Variants in OSGEPL1 observed in about 807,000 individuals in gnomAD.
OSGEPL1 encodes tRNA N6-adenosine threonylcarbamoyltransferase, mitochondrial.
OSGEPL1 carries 26 observed loss-of-function variants against 37.2 expected under a neutral mutation model. That is an observed-to-expected ratio of 0.70 (90% CI 0.51 to 0.97). OSGEPL1 has a LOEUF of 0.97. OSGEPL1 is among the 50% of genes least tolerant of loss of function. OSGEPL1 has a pLI of 0.00. For synonymous variants in OSGEPL1, 140 were observed against 159.9 expected (o/e 0.88, Z 0.94); for missense variants, 404 against 487.0 (o/e 0.83, Z 1.60).
chr2:189,758,622 A>G (rs2046457152), intron 2 of OSGEPL1, among the ~76,000 whole-genome samples: 1 of 152,206 alleles, frequency 6.6e-6, no homozygotes, highest in Non-Finnish European at 1.5e-5. Flanking sequence ...ATGAACTAAC[A>G]CAGGTTATAA....
chr2:189,750,567 A>G lies in OSGEPL1; in HGVS notation c.*11T>C. The G allele has an allele frequency of 6.7e-7, 1 of 1,492,406 alleles. No homozygotes were observed. Among genetic ancestry groups the G allele is most frequent in the Non-Finnish European group, 9.2e-7 (1 of 1,085,736 alleles). The allele number at this position is 1,492,406 out of a possible 1,614,324, so 92.4% of individuals were successfully genotyped here. Reference sequence around the variant, plus strand: ...AATACTACCTTTAGGGACTTTTTTGAACAGCAGAAATCATATCTCCATTTT... The same window carrying G: ...AATACTACCTTTAGGGACTTTTTTGGACAGCAGAAATCATATCTCCATTTT... On this transcript the variant is annotated 3_prime_UTR_variant, in exon 8 of 9. Transcript: ENST00000264151.
intron 2 of OSGEPL1, among the ~76,000 whole-genome samples, chr2:189,758,836 T>G (rs1354859791): frequency 5.9e-5 from 9 of 152,188 alleles, no homozygotes; most frequent in Admixed American, 3.3e-4. Flanking sequence ...AAAGAAAATA[T>G]GCAGGGTATG....
Position 189,746,691 on chromosome 2 carries a change from T to C in OSGEPL1, c.*506A>G. On this transcript the variant is annotated 3_prime_UTR_variant, in exon 9 of 9. Coordinates refer to ENST00000264151, the MANE Select transcript of OSGEPL1 (RefSeq NM_022353.3). ...TTAAAAATTTTTTTATTTTTAATAA[T>C]GGTAATATGCAAATAACATAACTGA... 1 of 1,429,110 alleles carries C rather than the reference T, an allele frequency of 7.0e-7. No individual in the cohort carries two copies. The highest frequency in any genetic ancestry group is 9.3e-7 in the Non-Finnish European group (1 of 1,072,408). 88.5% of individuals were successfully genotyped at this position (1,429,110 alleles called of 1,614,324 possible). A position where few individuals can be genotyped will look rare whatever the true frequency, so the allele number is the denominator to read the frequency against.
At chr2:189,762,484 G>T in intron 1 of OSGEPL1, 1 of 669,110 alleles carries the variant, frequency 1.5e-6, no homozygotes, top group Non-Finnish European at 1.8e-6. Context: ...AGAGGAATTA[G>T]ATTTGCATTA....
intron 2 of OSGEPL1, 78 bp downstream of exon 2, chr2:189,761,342 T>C: frequency 1.3e-6 from 2 of 1,486,348 alleles, no homozygotes; most frequent in Non-Finnish European, 1.8e-6. Flanking sequence ...TCCTGAAAAC[T>C]TTTATATATG....
At position 189,755,436 on chromosome 2, in the gene OSGEPL1, T is replaced by C; in HGVS notation, c.346A>G (p.Ile116Val). Residue 116 changes from isoleucine to valine, a missense_variant, in exon 3 of 9, where the codon ATA (isoleucine) becomes GTA (valine). Physicochemically the swap from Ile to Val is conservative, Grantham distance 29. Coordinates refer to ENST00000264151, the MANE Select transcript of OSGEPL1 (RefSeq NM_022353.3). ...AGGCTTAAAGCAAGTCCTGGTTTTA[T>C]GGTAGTTGCAATTGCTGAGAGGTCA... ...PSDLSAIATT[I>V]KPGLALSLGV... 2 of 1,608,822 alleles carry C rather than the reference T, an allele frequency of 1.2e-6. No homozygotes were observed. The highest frequency in any genetic ancestry group is 1.7e-6 in the Non-Finnish European group (2 of 1,178,750).
intron 2 of OSGEPL1, among the ~76,000 whole-genome samples, chr2:189,757,264 T>C (rs1038964882): frequency 2.0e-5 from 3 of 152,206 alleles, no homozygotes; most frequent in East Asian, 1.9e-4. Flanking sequence ...GGATTTACTA[T>C]GAATGGATGA....
chr2:189,747,589 A>G (rs772335352), intron 8 of OSGEPL1, among the ~76,000 whole-genome samples: 2 of 152,184 alleles, frequency 1.3e-5, no homozygotes, highest in African/African-American at 2.4e-5. Context: ...GAACCATATG[A>G]TGTCTTTGCT....
rs200731085 is a variant in OSGEPL1, at chr2:189,751,665, G to A, written c.1166+988C>T. 1.6e-4 allele frequency among the ~76,000 whole-genome samples: 24 copies of A among 150,930 alleles called. 1 individual carries two copies. The South Asian group carries it at 4.4e-3, about 28-fold the overall frequency. ...TCACCATGTTGGCCAGGCTGGTCTCGAACTCCTAACCTCAGATGATCTGCC... is the reference window on the plus strand; with the variant it reads ...TCACCATGTTGGCCAGGCTGGTCTCAAACTCCTAACCTCAGATGATCTGCC... On this transcript the variant is annotated intron_variant, in intron 7 of 8. Transcript: ENST00000264151.
rs565278237 is a variant in OSGEPL1, at chr2:189,762,729, C to A, written c.-65G>T. The A allele has an allele frequency of 2.0e-6, 2 of 985,372 alleles. No homozygotes were observed. The highest frequency in any genetic ancestry group is 3.5e-5 in the African/African-American group (2 of 57,232). The allele number at this position is 985,372 out of a possible 1,614,324, so 61.0% of individuals were successfully genotyped here. ...AGCTAGCACTTGTCTCCTTTCCCTA[C>A]TAAAGACTGTCGACTGCCCTTATCG... On this transcript the variant is annotated 5_prime_UTR_variant, in exon 1 of 9. Coordinates refer to ENST00000264151, the MANE Select transcript of OSGEPL1 (RefSeq NM_022353.3).
rs991480345 is a variant in OSGEPL1 at position 189,762,785 on chromosome 2, GA to G, written c.-122del. 103 of 985,518 alleles carry G rather than the reference GA, an allele frequency of 1.0e-4. No individual in the cohort carries two copies. The highest frequency in any genetic ancestry group is 5.2e-4 in the Middle Eastern group (1 of 1,914). The allele number at this position is 985,518 out of a possible 1,614,324, so 61.0% of individuals were successfully genotyped here. ...GGAGAAAGCCCGAACCTGGCGCCCG[GA>G]AGTGATGTCATCGGAACTGTGCAAG... On this transcript the variant is annotated 5_prime_UTR_variant, in exon 1 of 9. Transcript: ENST00000264151.
At chr2:189,754,905 CATT>C (rs775762214) in intron 3 of OSGEPL1, 12 of 416,846 alleles carry the variant, frequency 2.9e-5, no homozygotes, top group Middle Eastern at 6.4e-4. Context: ...CTTTCACATA[CATT>C]ATTTGGCAAA....
chr2:189,760,732 A>C (rs2046923650), intron 2 of OSGEPL1, among the ~76,000 whole-genome samples: 1 of 152,008 alleles, frequency 6.6e-6, no homozygotes. Context: ...CGGAGATTGC[A>C]GTGAGCCGAG....
intron 2 of OSGEPL1, among the ~76,000 whole-genome samples, chr2:189,758,174 G>A (rs2046368702): frequency 6.6e-6 from 1 of 152,096 alleles, no homozygotes; most frequent in African/African-American, 2.4e-5. Flanking sequence ...CTTGAGGTCG[G>A]GAGTTCGAGA....
rs2045963295 is a variant in OSGEPL1 at position 189,755,636 on chromosome 2, A to G, written c.222-76T>C. On this transcript the variant is annotated intron_variant, in intron 2 of 8. Transcript: ENST00000264151. ...GAAAAATGATATTACAGCTAAAAGC[A>G]TGTCTTCAAGTTAATCATTATATAG... 44 of 1,460,842 alleles carry G rather than the reference A, an allele frequency of 3.0e-5. No individual in the cohort carries two copies. In the East Asian group the frequency reaches 9.4e-4, roughly 31 times the overall value. 90.5% of individuals were successfully genotyped at this position (1,460,842 alleles called of 1,614,324 possible). A position where few individuals can be genotyped will look rare whatever the true frequency, so the allele number is the denominator to read the frequency against.
At chr2:189,752,404 G>A (rs1201340971) in intron 7 of OSGEPL1, among the ~76,000 whole-genome samples, 3 of 152,130 alleles carry the variant, frequency 2.0e-5, no homozygotes, top group Non-Finnish European at 4.4e-5. Context: ...TCCAAAGGAG[G>A]GAATTCATCA....
rs1260946867 is a variant in OSGEPL1 at position 189,761,550 on chromosome 2, C to T, written c.91G>A (p.Gly31Arg). The change falls in exon 2 of 9, where the codon GGA (glycine) becomes AGA (arginine). Residue 31 changes from glycine (G) to arginine (R), a missense_variant. Gly to Arg is a moderately radical substitution (Grantham distance 125). Transcript: ENST00000264151. ...ACTATTTTATGAAGAAATAGTGTTC[C>T]AGGATGAAAATTAAAACTTCTTAAA... ...EFLRSFNFHP[G>R]TLFLHKIVLG... is the part of the protein sequence containing the mutation. The T allele has an allele frequency of 6.2e-7, 1 of 1,610,830 alleles. No homozygotes were observed. Among genetic ancestry groups the T allele is most frequent in the Non-Finnish European group, 8.5e-7 (1 of 1,178,936 alleles).
rs2045670983 is a variant in OSGEPL1, at chr2:189,753,901, T to C, written c.963+15A>G. ...GCAAAGTGTAACTATTACTATAAAA[T>C]GAGATAAAACTTACCAGTACTGCAT... On this transcript the variant is annotated intron_variant, in intron 5 of 8. Coordinates refer to ENST00000264151, the MANE Select transcript of OSGEPL1 (RefSeq NM_022353.3). 2 of 1,609,898 alleles carry C rather than the reference T, an allele frequency of 1.2e-6. No individual in the cohort carries two copies. Among genetic ancestry groups the C allele is most frequent in the Non-Finnish European group, 8.5e-7 (1 of 1,178,004 alleles).
intron 7 of OSGEPL1, among the ~76,000 whole-genome samples, chr2:189,752,100 C>T (rs906773615): frequency 5.3e-5 from 8 of 151,456 alleles, no homozygotes; most frequent in African/African-American, 1.5e-4. Context: ...GCCGAGAATG[C>T]GCCACTGCAC....
Sources: gnomAD v4.1 joint callset for allele counts (sites outside exome capture counted in the v4.1 genomes callset) on GRCh38, gnomAD v4.1.1 for gene constraint, MANE v1.5 for transcripts, NCBI Gene and HGNC (gene_info 2026-07-23, HGNC 2026-07-21) for gene names.